The following DNAL1 variants were observed in gnomAD, a reference collection of about 807,000 sequenced individuals.
DNAL1 encodes the protein chromosome 14 open reading frame 168.
In DNAL1, 17 loss-of-function variants were observed where a neutral mutation model predicts 29.4. That is an observed-to-expected ratio of 0.58 (90% confidence interval 0.40 to 0.87). DNAL1 has a LOEUF of 0.87. Ranked by LOEUF, DNAL1 falls within the 40% of genes least tolerant of loss-of-function variation. DNAL1 has a pLI of 0.00. For synonymous variants in DNAL1, 78 were observed against 76.3 expected (o/e 1.02, Z -0.12); for missense variants, 188 against 214.1 (o/e 0.88, Z 0.76).
chr14:73,667,356 T>G (rs1166443055), intron 4 of DNAL1, among the ~76,000 whole-genome samples: 1 of 152,036 alleles, frequency 6.6e-6, no homozygotes, highest in East Asian at 1.9e-4. Flanking sequence ...TCCCAGCTAC[T>G]TGGGAGGCTG....
intron 2 of DNAL1, among the ~76,000 whole-genome samples, chr14:73,655,546 C>T (rs1167111818): frequency 6.6e-6 from 1 of 151,776 alleles, no homozygotes; most frequent in African/African-American, 2.4e-5. Context: ...GGTGTTTCAT[C>T]GTGTTGGTCA....
In DNAL1 at chr14:73,697,169, C is replaced by T. The variant is rs192353731; in HGVS notation, c.*1227C>T. 4 of 152,258 alleles carry T rather than the reference C, an allele frequency of 2.6e-5. No individual in the cohort carries two copies. The highest frequency in any genetic ancestry group is 4.1e-4 in the South Asian group (2 of 4,824). 9.4% of individuals were successfully genotyped at this position (152,258 alleles called of 1,614,324 possible). A position where few individuals can be genotyped will look rare whatever the true frequency, so the allele number is the denominator to read the frequency against. ...GTAAGCAGATGAGGTCATAGGAGGC[C>T]ATGGCTGGATCACTATTAGATTGCA... On this transcript the variant is annotated 3_prime_UTR_variant, in exon 8 of 8. Coordinates refer to ENST00000553645, the MANE Select transcript of DNAL1 (RefSeq NM_031427.4).
chr14:73,677,884 T>TTTGTGTGTG (rs1555402398), intron 5 of DNAL1, among the ~76,000 whole-genome samples: 1,509 of 96,064 alleles, frequency 0.016, 11 homozygotes, highest in Middle Eastern at 0.025. Context: ...ATATATATAT[T>TTTGTGTGTG]TGTGTGTGTG....
intron 5 of DNAL1, among the ~76,000 whole-genome samples, chr14:73,685,634 ATATTTT>A (rs1892005017): frequency 6.6e-6 from 1 of 151,716 alleles, no homozygotes; most frequent in African/African-American, 2.4e-5. Flanking sequence ...TAATTTTTTT[ATATTTT>A]TATTAGAGAT....
chr14:73,680,150 A>G (rs902972480), intron 5 of DNAL1, among the ~76,000 whole-genome samples: 4 of 152,312 alleles, frequency 2.6e-5, no homozygotes, highest in Admixed American at 2.6e-4. Context: ...AAACTTGAGA[A>G]TCATTTTATC....
intron 4 of DNAL1, among the ~76,000 whole-genome samples, chr14:73,662,579 T>C (rs1891381433): frequency 6.6e-6 from 1 of 152,146 alleles, no homozygotes; most frequent in Admixed American, 6.6e-5. Context: ...CTCTGGAGGC[T>C]GGAGGAGAAT....
intron 1 of DNAL1, among the ~76,000 whole-genome samples, chr14:73,653,429 G>C (rs994178612): frequency 1.3e-5 from 2 of 151,972 alleles, no homozygotes; most frequent in African/African-American, 4.8e-5. Context: ...ATCCCTCACT[G>C]TAACCTCGAA....
chr14:73,657,969 ATCT>A (rs1417866746), intron 2 of DNAL1, among the ~76,000 whole-genome samples: 2 of 152,252 alleles, frequency 1.3e-5, no homozygotes, highest in East Asian at 3.9e-4. Context: ...TAGCCGTAAA[ATCT>A]TCTCCTAGAC....
chr14:73,671,444 C>T lies in DNAL1; in HGVS notation c.209-98C>T, dbSNP rs149886784. ...TTTCTTACTCATTGTATAAGGATAT[C>T]TATTATATAAAACTTATTAAAGCTT... On this transcript the variant is annotated intron_variant, in intron 4 of 7. Coordinates refer to ENST00000553645, the MANE Select transcript of DNAL1 (RefSeq NM_031427.4). 6.3e-4 allele frequency: 748 copies of T among 1,192,532 alleles called. 3 individuals are homozygous for T. The African/African-American group carries it at 0.011, about 17-fold the overall frequency. The allele number at this position is 1,192,532 out of a possible 1,614,324, so 73.9% of individuals were successfully genotyped here.
At chr14:73,669,976 C>T (rs935041449) in intron 4 of DNAL1, among the ~76,000 whole-genome samples, 3 of 140,540 alleles carry the variant, frequency 2.1e-5, no homozygotes, top group Non-Finnish European at 5.0e-5. Context: ...GATTCTCACA[C>T]ACACACATAC....
Position 73,662,038 on chromosome 14 carries a change from C to T in DNAL1, c.204C>T (p.Gly68=). 1 of 1,560,398 alleles carries T rather than the reference C, an allele frequency of 6.4e-7. No homozygotes were observed. Among genetic ancestry groups the T allele is most frequent in the Non-Finnish European group, 8.7e-7 (1 of 1,150,780 alleles). The change falls in exon 4 of 8, where the codon GGC becomes GGT. Residue 68 remains glycine, a synonymous_variant. Coordinates refer to ENST00000553645, the MANE Select transcript of DNAL1 (RefSeq NM_031427.4). ...NCIEKIANLN[G]LKNLRILSLG... ...TTGAAAAAATTGCCAACCTGAATGG[C>T]TTAAGTAAGTGATTCACAGTAACAG...
At chr14:73,678,819 A>G (rs1254407460) in intron 5 of DNAL1, among the ~76,000 whole-genome samples, 1 of 152,162 alleles carries the variant, frequency 6.6e-6, no homozygotes, top group Non-Finnish European at 1.5e-5. Flanking sequence ...AGGAAAAACA[A>G]TGAGGTGGAA....
At position 73,701,371 on chromosome 14, in the gene DNAL1, CAT is replaced by C; in HGVS notation, c.*5430_*5431del. The C allele has an allele frequency of 7.3e-6, 1 of 137,370 alleles. No individual in the cohort carries two copies. The highest frequency in any genetic ancestry group is 1.9e-4 in the East Asian group (1 of 5,196). The allele number at this position is 137,370 out of a possible 1,614,324, so 8.5% of individuals were successfully genotyped here. On this transcript the variant is annotated 3_prime_UTR_variant, in exon 8 of 8. Transcript: ENST00000553645. Reference sequence around the variant, plus strand: ...CTCACCCTTGCTCGTTCTAAACCCACATGAGTAGTTAACTGTCTTTTGACATA... The same window carrying C: ...CTCACCCTTGCTCGTTCTAAACCCACGAGTAGTTAACTGTCTTTTGACATA...
Position 73,655,058 on chromosome 14 carries a change from T to G in DNAL1, c.42+173T>G, listed in dbSNP as rs11622678. Among the ~76,000 whole-genome samples, 18,209 of 151,756 alleles carry G rather than the reference T, an allele frequency of 0.12. 2,169 individuals are homozygous for G. The highest frequency in any genetic ancestry group is 0.63 in the East Asian group (3,223 of 5,150). ...CACATATGATAAAATTGTGTAAAAC[T>G]TAATGCACACATACACACAGTCATA... On this transcript the variant is annotated intron_variant, in intron 2 of 7. Coordinates refer to ENST00000553645, the MANE Select transcript of DNAL1 (RefSeq NM_031427.4).
At chr14:73,662,153 T>C in intron 4 of DNAL1, 111 bp downstream of exon 4, 1 of 878,708 alleles carries the variant, frequency 1.1e-6, no homozygotes, top group Non-Finnish European at 1.8e-6. Context: ...CCATACTTGT[T>C]GTCAGATAAT....
chr14:73,658,930 A>G lies in DNAL1; in HGVS notation c.126A>G (p.Ala42=). The change falls in exon 3 of 8, where the codon GCA becomes GCG. Residue 42 remains alanine, a synonymous_variant. Coordinates refer to ENST00000553645, the MANE Select transcript of DNAL1 (RefSeq NM_031427.4). ...TTCCCCCTATAGAGAAGATGGATGC[A>G]TCCTTGTCCATGCTTGCTAATTGCG... ...AQIPPIEKMD[A]SLSMLANCEK... is the part of the protein sequence containing the mutation. The G allele has an allele frequency of 6.5e-7, 1 of 1,538,732 alleles. No homozygotes were observed. The highest frequency in any genetic ancestry group is 8.8e-7 in the Non-Finnish European group (1 of 1,142,074).
rs1361266075 is a variant in DNAL1 at position 73,671,538 on chromosome 14, A to G, written c.209-4A>G. 3 of 1,475,070 alleles carry G rather than the reference A, an allele frequency of 2.0e-6. No individual in the cohort carries two copies. Among genetic ancestry groups the G allele is most frequent in the South Asian group, 1.5e-5 (1 of 67,228 alleles). The allele number at this position is 1,475,070 out of a possible 1,614,324, so 91.4% of individuals were successfully genotyped here. ...AACAAAAAAATGTTTTCTTTTCACT[A>G]CAGAAAACTTGAGGATATTATCTTT... On this transcript the variant is annotated splice_region_variant and splice_polypyrimidine_tract_variant and intron_variant, in intron 4 of 7. Transcript: ENST00000553645.
At chr14:73,683,620 C>T (rs1358909746) in intron 5 of DNAL1, among the ~76,000 whole-genome samples, 2 of 151,868 alleles carry the variant, frequency 1.3e-5, no homozygotes, top group African/African-American at 2.4e-5. Context: ...CCCTCAGCCC[C>T]CCACCCCCCT....
Position 73,696,075 on chromosome 14 carries a change from A to C in DNAL1, c.*133A>C. ...AAGATAAAACAGATCACTCATTCTCATCTTTTTTTTTCCTTTAACTTATTC... is the reference window on the plus strand; with the variant it reads ...AAGATAAAACAGATCACTCATTCTCCTCTTTTTTTTTCCTTTAACTTATTC... On this transcript the variant is annotated 3_prime_UTR_variant, in exon 8 of 8. Transcript: ENST00000553645. The C allele has an allele frequency of 3.3e-5, 28 of 840,526 alleles. No individual in the cohort carries two copies. The highest frequency in any genetic ancestry group is 5.0e-5 in the Non-Finnish European group (28 of 558,446). The allele number at this position is 840,526 out of a possible 1,614,324, so 52.1% of individuals were successfully genotyped here.
Sources: gnomAD v4.1 joint callset for allele counts (sites outside exome capture counted in the v4.1 genomes callset) on GRCh38, gnomAD v4.1.1 for gene constraint, MANE v1.5 for transcripts, NCBI Gene and HGNC (gene_info 2026-07-23, HGNC 2026-07-21) for gene names.